The following MS4A6E variants were observed in gnomAD, a reference collection of about 807,000 sequenced individuals.
MS4A6E encodes membrane spanning 4-domains A6E.
In MS4A6E, 8 loss-of-function variants were observed where a neutral mutation model predicts 13.2. The observed-to-expected ratio is 0.60, with a 90% CI of 0.35 to 1.09. MS4A6E has a LOEUF of 1.09. Among genes scored for constraint, MS4A6E ranks in the 50% least tolerant of loss-of-function variants. The probability of loss-of-function intolerance (pLI) is 0.02; values close to 1 mark genes in which losing one functional copy is unlikely to be tolerated. For synonymous variants in MS4A6E, 72 were observed against 67.6 expected (o/e 1.06, Z -0.32); for missense variants, 177 against 171.1 (o/e 1.03, Z -0.19).
intron 1 of MS4A6E, among the ~76,000 whole-genome samples, chr11:60,329,165 C>T (rs6591567): frequency 1.3e-5 from 2 of 149,788 alleles, no homozygotes; most frequent in Admixed American, 1.3e-4. Flanking sequence ...CCCGACAGGC[C>T]TTGGTGTGTG....
chr11:60,341,202 C>T lies in MS4A6E; in HGVS notation c.*436C>T, dbSNP rs935257489. ...AGGAGTTAACTGATTTGCTGTGGTG[C>T]GCAGACTCTTTTATCACAGGTGCTA... On this transcript the variant is annotated 3_prime_UTR_variant, in exon 5 of 5. Transcript: ENST00000684409. Among the ~76,000 whole-genome samples, 11 of 152,110 alleles carry T rather than the reference C, an allele frequency of 7.2e-5. No individual in the cohort carries two copies. The highest frequency in any genetic ancestry group is 1.9e-4 in the African/African-American group (8 of 41,406).
Position 60,341,099 on chromosome 11 carries a change from A to G in MS4A6E, c.*333A>G, listed in dbSNP as rs1176174222. 6.6e-6 allele frequency: 1 copy of G among 152,222 alleles called. No individual in the cohort carries two copies. Among genetic ancestry groups the G allele is most frequent in the Non-Finnish European group, 1.5e-5 (1 of 68,046 alleles). The allele number at this position is 152,222 out of a possible 1,614,324, so 9.4% of individuals were successfully genotyped here. A position where few individuals can be genotyped will look rare whatever the true frequency, so the allele number is the denominator to read the frequency against. On this transcript the variant is annotated 3_prime_UTR_variant, in exon 5 of 5. Transcript: ENST00000684409. ...AAATAGTCTTAGACATTTCCCAGAAAACTAGGCAGAATGATGATTCAATGG... is the reference window on the plus strand; with the variant it reads ...AAATAGTCTTAGACATTTCCCAGAAGACTAGGCAGAATGATGATTCAATGG...
In MS4A6E at chr11:60,337,914, C is replaced by T; in HGVS notation, c.321C>T (p.Thr107=). ...CTTATGATTATCATTCACCTTACAC[C>T]ATGGACTGCCATAGAGCCAAAGCCA... ...LLSYDYHSPY[T]MDCHRAKASL... The change falls in exon 3 of 5, where the codon ACC becomes ACT. Residue 107 remains threonine (T), a synonymous_variant. Coordinates refer to ENST00000684409, the MANE Select transcript of MS4A6E (RefSeq NM_139249.4). The T allele has an allele frequency of 1.2e-6, 2 of 1,614,202 alleles. No individual in the cohort carries two copies. Among genetic ancestry groups the T allele is most frequent in the African/African-American group, 1.3e-5 (1 of 75,034 alleles).
intron 1 of MS4A6E, among the ~76,000 whole-genome samples, chr11:60,332,536 C>G (rs193280575): frequency 8.5e-5 from 13 of 152,296 alleles, no homozygotes; most frequent in African/African-American, 2.6e-4. Flanking sequence ...CTCTCCTTCA[C>G]GACCAGGGGA....
At chr11:60,331,359 T>C (rs1292106982) in intron 1 of MS4A6E, among the ~76,000 whole-genome samples, 6 of 152,152 alleles carry the variant, frequency 3.9e-5, no homozygotes, top group African/African-American at 1.2e-4. Flanking sequence ...ACATAAATTA[T>C]GGTTCACTCA....
chr11:60,339,079 T>A (rs1392062637), intron 3 of MS4A6E, among the ~76,000 whole-genome samples: 2 of 152,238 alleles, frequency 1.3e-5, no homozygotes, highest in Non-Finnish European at 2.9e-5. Flanking sequence ...ATGTATCTTC[T>A]ATTTAACTGT....
chr11:60,347,213 C>T (rs1422328669), intron 4 of MS4A6E, among the ~76,000 whole-genome samples: 3 of 152,112 alleles, frequency 2.0e-5, no homozygotes. Flanking sequence ...CTGGAATATG[C>T]TTTAGTTTTG....
downstream of MS4A6E, among the ~76,000 whole-genome samples, chr11:60,344,732 A>T (rs1455451408): frequency 6.6e-6 from 1 of 152,116 alleles, no homozygotes; most frequent in African/African-American, 2.4e-5. Flanking sequence ...TGAAGTCCAT[A>T]GATGTCTTGA....
intron 1 of MS4A6E, among the ~76,000 whole-genome samples, chr11:60,330,335 C>CTTT (rs71036576): frequency 0.031 from 1,863 of 61,048 alleles, 227 homozygotes; most frequent in African/African-American, 0.074. Flanking sequence ...AATTTTGGCT[C>CTTT]TTTTTTTTTT....
chr11:60,334,797 T>C, intron 1 of MS4A6E, 85 bp from the exon 2 acceptor site: 2 of 1,438,398 alleles, frequency 1.4e-6, no homozygotes, highest in South Asian at 1.3e-5. Context: ...TCTGGACTAA[T>C]TGGCAGAAAC....
intron 1 of MS4A6E, among the ~76,000 whole-genome samples, chr11:60,329,973 A>ACC (rs1340175531): frequency 0.011 from 1,539 of 144,480 alleles, 28 homozygotes; most frequent in East Asian, 0.049. Context: ...CTACAGGTGC[A>ACC]TACCAGCACA....
Position 60,341,312 on chromosome 11 carries a change from T to G in MS4A6E, c.*546T>G, listed in dbSNP as rs1212204273. ...TCCGAGTGTATGAAAGTAGCCGGCT[T>G]CAAAATAAAATCTTTGAGTGCATAC... On this transcript the variant is annotated 3_prime_UTR_variant, in exon 5 of 5. Transcript: ENST00000684409. Among the ~76,000 whole-genome samples, 3 of 152,222 alleles carry G rather than the reference T, an allele frequency of 2.0e-5. No individual in the cohort carries two copies.
At chr11:60,329,007 A>T (rs767024258) in intron 1 of MS4A6E, among the ~76,000 whole-genome samples, 3 of 152,170 alleles carry the variant, frequency 2.0e-5, no homozygotes, top group Non-Finnish European at 4.4e-5. Context: ...AATTTTTATT[A>T]TTATACTTTA....
chr11:60,334,793 C>A, intron 1 of MS4A6E, 89 bp from the exon 2 acceptor site: 2 of 1,396,590 alleles, frequency 1.4e-6, no homozygotes, highest in South Asian at 1.3e-5. Context: ...CAAGTCTGGA[C>A]TAATTGGCAG....
intron 2 of MS4A6E, among the ~76,000 whole-genome samples, chr11:60,336,524 T>C (rs1025786803): frequency 2.0e-5 from 3 of 152,334 alleles, no homozygotes; most frequent in African/African-American, 7.2e-5. Context: ...GAGGCTTTAG[T>C]GAGTTCTACT....
At chr11:60,335,088 G>A in intron 2 of MS4A6E, 46 bp downstream of exon 2, 2 of 1,606,488 alleles carry the variant, frequency 1.2e-6, no homozygotes, top group African/African-American at 1.3e-5. Context: ...GGGGAAGTGG[G>A]AAGAGATGAT....
At chr11:60,337,307 A>T (rs1390951045) in intron 2 of MS4A6E, among the ~76,000 whole-genome samples, 1 of 152,236 alleles carries the variant, frequency 6.6e-6, no homozygotes, top group East Asian at 1.9e-4. Flanking sequence ...CTTTTGCACC[A>T]TGCTAATACA....
At position 60,334,767 on chromosome 11, in the gene MS4A6E, T is replaced by A. The variant is rs530723870; in HGVS notation, c.-14-115T>A. The A allele has an allele frequency of 2.6e-5, 30 of 1,137,910 alleles. 1 individual carries two copies. In the East Asian group the frequency reaches 7.1e-4, roughly 27 times the overall value. 70.5% of individuals were successfully genotyped at this position (1,137,910 alleles called of 1,614,324 possible). ...CACTGCTCCATAATATCAGTTTCTT[T>A]CTCTAACACACAGGCCAAGTCTGGA... On this transcript the variant is annotated intron_variant, in intron 1 of 4. Coordinates refer to ENST00000684409, the MANE Select transcript of MS4A6E (RefSeq NM_139249.4).
intron 2 of MS4A6E, among the ~76,000 whole-genome samples, chr11:60,336,123 T>C (rs1231846786): frequency 4.6e-5 from 7 of 152,210 alleles, no homozygotes; most frequent in African/African-American, 1.7e-4. Flanking sequence ...TTAGAGATTA[T>C]TGTTTGGAAC....
Sources: allele counts gnomAD v4.1 joint callset (sites outside exome capture counted in the v4.1 genomes callset), GRCh38; gene constraint gnomAD v4.1.1; transcripts MANE v1.5; gene names NCBI Gene and HGNC (gene_info 2026-07-23, HGNC 2026-07-21).